The following RNLS variants were observed in gnomAD, a reference collection of about 807,000 sequenced individuals.
RNLS encodes renalase, FAD dependent amine oxidase.
Under a neutral mutation model 39.8 loss-of-function variants are expected in RNLS, and 39 were observed. The ratio of observed to expected loss-of-function variants is 0.98; its 90% CI spans 0.76 to 1.28. The LOEUF (loss-of-function observed/expected upper bound fraction) is 1.28, where lower values mean the gene tolerates loss of function less well. Among genes scored for constraint, RNLS ranks in the 50% most tolerant of loss-of-function variants. RNLS has a pLI of 0.00. For missense variants in RNLS, 410 were observed against 413.3 expected, an observed-to-expected ratio of 0.99 and a Z score of 0.07; for synonymous variants, 147 against 150.7, an observed-to-expected ratio of 0.98 and a Z score of 0.18.
At position 88,370,830 on chromosome 10, in the gene RNLS, A is replaced by G. The variant is rs990940643; in HGVS notation, c.527-8105T>C. Among the ~76,000 whole-genome samples, 40 of 152,156 alleles carry G rather than the reference A, an allele frequency of 2.6e-4. 1 individual carries two copies. Among genetic ancestry groups the G allele is most frequent in the Admixed American group, 2.4e-3 (36 of 15,260 alleles). On this transcript the variant is annotated intron_variant, in intron 4 of 6. Transcript: ENST00000331772. ...ACCACTCATGAGTCACTCCTTTCCT[A>G]TAAAAGCACGGAATCAGTCTTGTTT... is the stretch of plus-strand genomic sequence containing the variant.
chr10:88,406,133 C>A (rs1007673688), intron 4 of RNLS, among the ~76,000 whole-genome samples: 6 of 152,070 alleles, frequency 3.9e-5, no homozygotes, highest in Non-Finnish European at 8.8e-5. Flanking sequence ...TTACTTGGTG[C>A]TTCTGTCTCA....
At chr10:88,212,041 A>C in the RNLS span, among the ~76,000 whole-genome samples, 5 of 152,174 alleles carry the variant, frequency 3.3e-5, no homozygotes, top group African/African-American at 1.2e-4. Flanking sequence ...TTCCCATCAT[A>C]CATTTCCCTG....
chr10:88,372,091 AT>A lies in RNLS; in HGVS notation c.527-9367del, dbSNP rs934802648. ...CCCATAGGATAAAAATAAACAAGGC[AT>A]TTTTTTAGAAGCAAGTTCTTCAGCT... On this transcript the variant is annotated intron_variant, in intron 4 of 6. Coordinates refer to ENST00000331772, the MANE Select transcript of RNLS (RefSeq NM_001031709.3). Among the ~76,000 whole-genome samples the A allele has an allele frequency of 1.3e-4, 20 of 152,230 alleles. No homozygotes were observed. The South Asian group carries it at 4.1e-3, about 32-fold the overall frequency.
intron 4 of RNLS, among the ~76,000 whole-genome samples, chr10:88,423,077 T>C (rs963387135): frequency 6.6e-6 from 1 of 152,144 alleles, no homozygotes; most frequent in African/African-American, 2.4e-5. Context: ...AAAACACTTT[T>C]CGAAATGCAA....
chr10:88,183,307 A>G, the RNLS span, among the ~76,000 whole-genome samples: 3 of 152,276 alleles, frequency 2.0e-5, no homozygotes, highest in South Asian at 6.2e-4. Flanking sequence ...AATATGTGAA[A>G]TTGCTCTAAT....
rs140692549 is a variant in RNLS, at chr10:88,310,776, T to C, written c.876+3690A>G. 1.6e-3 allele frequency among the ~76,000 whole-genome samples: 170 copies of C among 108,392 alleles called. 2 individuals carry two copies. The highest frequency in any genetic ancestry group is 2.5e-3 in the Non-Finnish European group (146 of 57,402). 71.1% of individuals were successfully genotyped at this position (108,392 alleles called of 152,430 possible). A position where few individuals can be genotyped will look rare whatever the true frequency, so the allele number is the denominator to read the frequency against. On this transcript the variant is annotated intron_variant, in intron 6 of 6. Transcript: ENST00000331772. Reference sequence around the variant, plus strand: ...ATCATGCACTGCACTCCAGCCTGGGTGACAGATTTAGAGCCTACCTCTGCC... The same window carrying C: ...ATCATGCACTGCACTCCAGCCTGGGCGACAGATTTAGAGCCTACCTCTGCC...
At chr10:88,345,237 G>A (rs117264478) in intron 5 of RNLS, among the ~76,000 whole-genome samples, 141 of 152,258 alleles carry the variant, frequency 9.3e-4, no homozygotes, top group Middle Eastern at 3.4e-3. Flanking sequence ...CCTGTGGTGA[G>A]ATTCTGCAGT....
the RNLS span, among the ~76,000 whole-genome samples, chr10:88,266,901 A>T: frequency 6.6e-6 from 1 of 152,090 alleles, no homozygotes; most frequent in Admixed American, 6.5e-5. Context: ...AAGCTGGGCC[A>T]TTTTCTTCCT....
intron 4 of RNLS, among the ~76,000 whole-genome samples, chr10:88,549,078 G>A (rs1424517249): frequency 6.6e-6 from 1 of 152,062 alleles, no homozygotes; most frequent in Non-Finnish European, 1.5e-5. Context: ...GGACTATTGG[G>A]TCACAGGAAC....
chr10:88,454,657 G>A (rs1842532661), intron 4 of RNLS, among the ~76,000 whole-genome samples: 1 of 152,188 alleles, frequency 6.6e-6, no homozygotes, highest in African/African-American at 2.4e-5. Flanking sequence ...TAAACCAGAG[G>A]TGCTTAAGTC....
chr10:88,360,385 G>A (rs1849542651), intron 5 of RNLS, among the ~76,000 whole-genome samples: 1 of 152,148 alleles, frequency 6.6e-6, no homozygotes, highest in African/African-American at 2.4e-5. Flanking sequence ...CACATGAGGA[G>A]AAGTCTATTA....
At chr10:88,221,329 T>C in the RNLS span, among the ~76,000 whole-genome samples, 1 of 152,216 alleles carries the variant, frequency 6.6e-6, no homozygotes. Flanking sequence ...GCAGTACCAC[T>C]TATATAAATG....
intron 4 of RNLS, among the ~76,000 whole-genome samples, chr10:88,384,405 A>G (rs992136510): frequency 2.3e-4 from 35 of 152,228 alleles, no homozygotes; most frequent in Non-Finnish European, 4.0e-4. Context: ...CATTTTACAC[A>G]TGAAAAAACT....
At chr10:88,475,939 C>A (rs1448813676) in intron 4 of RNLS, among the ~76,000 whole-genome samples, 2 of 152,046 alleles carry the variant, frequency 1.3e-5, no homozygotes, top group African/African-American at 4.8e-5. Context: ...TTAAAAATAG[C>A]AGAAAAATAC....
intron 4 of RNLS, among the ~76,000 whole-genome samples, chr10:88,478,605 C>G (rs1564832820): frequency 6.6e-6 from 1 of 152,124 alleles, no homozygotes; most frequent in South Asian, 2.1e-4. Flanking sequence ...CACTGTCCCC[C>G]CAGATAAAAA....
At chr10:88,375,474 C>A (rs996721803) in intron 4 of RNLS, among the ~76,000 whole-genome samples, 4 of 152,116 alleles carry the variant, frequency 2.6e-5, no homozygotes, top group African/African-American at 9.7e-5. Flanking sequence ...TTCATTTGTG[C>A]AAATGGTAGT....
intron 4 of RNLS, among the ~76,000 whole-genome samples, chr10:88,532,538 C>T (rs570508345): frequency 7.9e-5 from 12 of 152,130 alleles, no homozygotes; most frequent in African/African-American, 2.9e-4. Context: ...TAACCTTTTA[C>T]TATGTATAAG....
At chr10:88,571,958 A>C (rs571644753) in intron 4 of RNLS, among the ~76,000 whole-genome samples, 1 of 152,272 alleles carries the variant, frequency 6.6e-6, no homozygotes, top group South Asian at 2.1e-4. Context: ...ACCTGCACTG[A>C]GTTACATCTC....
chr10:88,288,253 G>A (rs1232003552), intron 6 of RNLS, among the ~76,000 whole-genome samples: 2 of 152,108 alleles, frequency 1.3e-5, no homozygotes, highest in East Asian at 3.8e-4. Flanking sequence ...ACATAAGAAA[G>A]TTGAGGCTCA....
Sources: allele counts gnomAD v4.1 joint callset (sites outside exome capture counted in the v4.1 genomes callset), GRCh38; gene constraint gnomAD v4.1.1; transcripts MANE v1.5; gene names NCBI Gene and HGNC (gene_info 2026-07-23, HGNC 2026-07-21).